Variants in PHLPP1 observed in about 807,000 individuals in gnomAD.
PHLPP1 encodes PH domain and leucine rich repeat protein phosphatase 1.
PHLPP1 carries 42 observed loss-of-function variants against 117.2 expected under a neutral mutation model. The observed-to-expected ratio is 0.36, with a 90% CI of 0.28 to 0.46. The LOEUF (loss-of-function observed/expected upper bound fraction) is 0.46. Among genes scored for constraint, PHLPP1 ranks in the 20% least tolerant of loss-of-function variants. The pLI is 1.00. For missense variants in PHLPP1, 2,084 were observed against 2,241.9 expected, an observed-to-expected ratio of 0.93 and a Z score of 1.42; for synonymous variants, 1,042 against 970.7, an observed-to-expected ratio of 1.07 and a Z score of -1.37.
intron 1 of PHLPP1, among the ~76,000 whole-genome samples, chr18:62,829,773 C>G (rs1320191831): frequency 1.3e-5 from 2 of 151,898 alleles, no homozygotes; most frequent in East Asian, 3.9e-4. Context: ...AAAGAAACCT[C>G]TAGTTAAAAC....
chr18:62,959,731 G>A (rs1201320133), intron 13 of PHLPP1, among the ~76,000 whole-genome samples: 15 of 152,180 alleles, frequency 9.9e-5, no homozygotes, highest in Admixed American at 9.8e-4. Flanking sequence ...TGACTGGTCC[G>A]TTAATACTAT....
At chr18:62,856,017 G>T (rs1001999007) in intron 3 of PHLPP1, among the ~76,000 whole-genome samples, 2 of 152,134 alleles carry the variant, frequency 1.3e-5, no homozygotes, top group African/African-American at 4.8e-5. Flanking sequence ...CAAAGATAGA[G>T]AAAAAATAAG....
intron 1 of PHLPP1, among the ~76,000 whole-genome samples, chr18:62,807,543 T>C (rs1450059198): frequency 6.6e-6 from 1 of 152,202 alleles, no homozygotes; most frequent in African/African-American, 2.4e-5. Context: ...TTCTGAGAAA[T>C]GTGCCATTAG....
In PHLPP1 at chr18:62,979,846, C is replaced by CTTTTGTTTTG. The variant is rs3087164; in HGVS notation, c.*440_*449dup. ...TCTGTATTTCTTTGGGGGGAAAAGG[C>CTTTTGTTTTG]TTTTGTTTTGTTTTGTTTTGTTTTG... On this transcript the variant is annotated 3_prime_UTR_variant, in exon 17 of 17. Transcript: ENST00000262719. 0.018 allele frequency: 2,875 copies of CTTTTGTTTTG among 162,072 alleles called. 88 individuals carry two copies. The highest frequency in any genetic ancestry group is 0.066 in the African/African-American group (2,715 of 41,336). 10.0% of individuals were successfully genotyped at this position (162,072 alleles called of 1,614,324 possible).
In PHLPP1 at chr18:62,979,680, T is replaced by C. The variant is rs1435207920; in HGVS notation, c.*249T>C. The C allele has an allele frequency of 5.8e-6, 3 of 519,828 alleles. No homozygotes were observed. The highest frequency in any genetic ancestry group is 6.3e-5 in the East Asian group (2 of 31,564). 32.2% of individuals were successfully genotyped at this position (519,828 alleles called of 1,614,324 possible). A position where few individuals can be genotyped will look rare whatever the true frequency, so the allele number is the denominator to read the frequency against. On this transcript the variant is annotated 3_prime_UTR_variant, in exon 17 of 17. Coordinates refer to ENST00000262719, the MANE Select transcript of PHLPP1 (RefSeq NM_194449.4). ...ACTTCTCCCCCTAACATATCAGATA[T>C]GTAAAGACAAAGAACAAAAGGTTTA...
intron 12 of PHLPP1, among the ~76,000 whole-genome samples, chr18:62,946,237 A>C (rs1358788937): frequency 2.6e-5 from 4 of 152,168 alleles, no homozygotes; most frequent in Non-Finnish European, 5.9e-5. Context: ...ACATTTGAAG[A>C]CATTTTAAAT....
intron 3 of PHLPP1, among the ~76,000 whole-genome samples, chr18:62,842,013 T>C (rs1389012314): frequency 6.6e-6 from 1 of 152,178 alleles, no homozygotes; most frequent in Non-Finnish European, 1.5e-5. Flanking sequence ...CTTTTTCATC[T>C]AATAAGGGGA....
intron 1 of PHLPP1, among the ~76,000 whole-genome samples, chr18:62,728,690 G>A (rs1384556240): frequency 1.3e-5 from 2 of 152,014 alleles, no homozygotes; most frequent in East Asian, 3.9e-4. Flanking sequence ...TGTATTTTCA[G>A]TAGAGACGGT....
chr18:62,766,082 TATATATATATATATATATATAAA>T (rs1424926494), intron 1 of PHLPP1, among the ~76,000 whole-genome samples: 5 of 45,966 alleles, frequency 1.1e-4, no homozygotes, highest in African/African-American at 3.6e-4. Context: ...AAAAAATATA[TATATATATATATATATATATAAA>T]ATATATATAT....
At chr18:62,900,335 A>G (rs1005401998) in intron 6 of PHLPP1, among the ~76,000 whole-genome samples, 1 of 84,828 alleles carries the variant, frequency 1.2e-5, no homozygotes, top group African/African-American at 3.9e-5. Flanking sequence ...AAATAAATAA[A>G]TAAATAAATA....
intron 2 of PHLPP1, among the ~76,000 whole-genome samples, chr18:62,833,881 C>T (rs1914819503): frequency 6.6e-6 from 1 of 152,262 alleles, no homozygotes; most frequent in South Asian, 2.1e-4. Flanking sequence ...TCCTGGTATG[C>T]AAGTACCTTT....
chr18:62,782,486 C>T (rs1025869266), intron 1 of PHLPP1, among the ~76,000 whole-genome samples: 36 of 152,160 alleles, frequency 2.4e-4, no homozygotes, highest in Admixed American at 2.4e-3. Flanking sequence ...TAATGGGGCT[C>T]TCTCTGCCAT....
chr18:62,759,120 C>T (rs1912127927), intron 1 of PHLPP1, among the ~76,000 whole-genome samples: 1 of 152,092 alleles, frequency 6.6e-6, no homozygotes, highest in African/African-American at 2.4e-5. Flanking sequence ...ATAAATATGA[C>T]AGAGGGTGAT....
intron 12 of PHLPP1, among the ~76,000 whole-genome samples, chr18:62,952,460 A>G (rs1910491045): frequency 6.6e-6 from 1 of 152,138 alleles, no homozygotes; most frequent in African/African-American, 2.4e-5. Context: ...AGGTTTCCCA[A>G]GGTTTCTTCT....
At position 62,978,606 on chromosome 18, in the gene PHLPP1, C is replaced by A; in HGVS notation, c.4329C>A (p.Pro1443=). The A allele has an allele frequency of 1.2e-6, 2 of 1,613,128 alleles. No homozygotes were observed. The highest frequency in any genetic ancestry group is 8.5e-7 in the Non-Finnish European group (1 of 1,179,184). The change falls in exon 17 of 17, where the codon CCC becomes CCA. Residue 1443 remains proline (P), a synonymous_variant. Coordinates refer to ENST00000262719, the MANE Select transcript of PHLPP1 (RefSeq NM_194449.4). This position sits in a 1 kb window ranked among gnomAD's most constrained non-coding sequence, Gnocchi z 7.0. ...ELSAGGAVPP[P]SPGIFPPSVN... ...GCGCCGGTGGGGCTGTGCCACCACC[C>A]AGTCCTGGCATCTTTCCTCCCTCAG...
intron 1 of PHLPP1, among the ~76,000 whole-genome samples, chr18:62,725,086 C>T (rs1568094602): frequency 1.3e-5 from 2 of 151,968 alleles, no homozygotes; most frequent in African/African-American, 2.4e-5. Flanking sequence ...TGGCTGTGTG[C>T]GGTGGCTCAC....
intron 4 of PHLPP1, among the ~76,000 whole-genome samples, chr18:62,882,447 A>G (rs1916193259): frequency 6.6e-6 from 1 of 151,328 alleles, no homozygotes; most frequent in Non-Finnish European, 1.5e-5. Flanking sequence ...TTTTTTTTGT[A>G]TTTTTAGTAG....
intron 1 of PHLPP1, among the ~76,000 whole-genome samples, chr18:62,771,987 TTTC>T (rs758195002): frequency 5.3e-5 from 8 of 152,214 alleles, no homozygotes; most frequent in East Asian, 1.9e-4. Flanking sequence ...GTATGATCAG[TTTC>T]TTCTTCTTCT....
Position 62,717,150 on chromosome 18 carries a change from A to G in PHLPP1, c.1467A>G (p.Pro489=), listed in dbSNP as rs1910779058. ...GGCGCTTGGAGGCGGAGGAGAAGCCATTGCAGATCCAAAATGACTACCTCT... is the reference window on the plus strand; with the variant it reads ...GGCGCTTGGAGGCGGAGGAGAAGCCGTTGCAGATCCAAAATGACTACCTCT... ...TTRRLEAEEK[P]LQIQNDYLFQ... Residue 489 remains proline (P), a synonymous_variant, in exon 1 of 17, where the codon CCA becomes CCG. Transcript: ENST00000262719. The G allele has an allele frequency of 3.8e-6, 6 of 1,565,672 alleles. No individual in the cohort carries two copies. The highest frequency in any genetic ancestry group is 5.2e-6 in the Non-Finnish European group (6 of 1,151,552).
Sources: gnomAD v4.1 joint callset for allele counts (sites outside exome capture counted in the v4.1 genomes callset) on GRCh38, gnomAD v4.1.1 for gene constraint, Gnocchi (gnomAD v3.1) non-coding constraint, MANE v1.5 for transcripts, NCBI Gene and HGNC (gene_info 2026-07-23, HGNC 2026-07-21) for gene names.